CHD7: variants seen among roughly 807,000 people sequenced by gnomAD.
The protein encoded by CHD7 is chromodomain helicase DNA binding protein 7.
Under a neutral mutation model 307.3 loss-of-function variants are expected in CHD7, and 24 were observed. That is an observed-to-expected ratio of 0.08 (90% CI 0.06 to 0.11). The LOEUF (loss-of-function observed/expected upper bound fraction) is 0.11, where lower values mean the gene tolerates loss of function less well. Among genes scored for constraint, CHD7 ranks in the 10% least tolerant of loss-of-function variants. CHD7 has a pLI of 1.00. For synonymous variants in CHD7, 1,363 were observed against 1,349.9 expected (o/e 1.01, Z -0.21); for missense variants, 3,106 against 3,727.1 (o/e 0.83, Z 4.34).
chr8:60,848,418 G>A, intron 23 of CHD7, 97 bp from the exon 24 acceptor site: 2 of 777,986 alleles, frequency 2.6e-6, no homozygotes, highest in East Asian at 2.7e-5. Flanking sequence ...ATCAGCCTTG[G>A]CAGGATGATG....
intron 1 of CHD7, among the ~76,000 whole-genome samples, chr8:60,729,138 G>A (rs921437318): frequency 6.6e-6 from 1 of 152,220 alleles, no homozygotes; most frequent in African/African-American, 2.4e-5. Flanking sequence ...GTACAAAGTG[G>A]TATTTAAGAA....
intron 2 of CHD7, among the ~76,000 whole-genome samples, chr8:60,775,132 G>A (rs1309132622): frequency 2.0e-5 from 3 of 151,878 alleles, no homozygotes; most frequent in Non-Finnish European, 4.4e-5. Context: ...TAAAACACAA[G>A]CAGAAAGGCA....
At chr8:60,791,736 C>T (rs1443000907) in intron 3 of CHD7, among the ~76,000 whole-genome samples, 4 of 152,066 alleles carry the variant, frequency 2.6e-5, no homozygotes, top group Middle Eastern at 3.2e-3. Flanking sequence ...ATAGCCTGGG[C>T]GGGAAATGAT....
In CHD7 at chr8:60,865,925, G is replaced by A; in HGVS notation, c.8986G>A (p.Asp2996Asn). 6.3e-7 allele frequency: 1 copy of A among 1,598,972 alleles called. No homozygotes were observed. Among genetic ancestry groups the A allele is most frequent in the Non-Finnish European group, 8.5e-7 (1 of 1,172,550 alleles). Residue 2996 changes from aspartate to asparagine, a missense_variant, in exon 38 of 38, where the codon GAT becomes AAT. Asp to Asn is a conservative substitution (Grantham distance 23, BLOSUM62 1). Transcript: ENST00000423902. This position sits in a 1 kb window ranked among gnomAD's most constrained non-coding sequence, Gnocchi z 4.3. ...GGDEIENNENDE is the reference protein window; with the variant it reads ...GGDEIENNENNE ...GGATGAAATAGAAAACAATGAAAAT[G>A]ATGAATAACCAGTACCAGTTCCAGT...
intron 1 of CHD7, among the ~76,000 whole-genome samples, chr8:60,716,225 G>A: frequency 6.6e-6 from 1 of 152,116 alleles, no homozygotes. Flanking sequence ...TGCTCTCCCT[G>A]CTGTTGCCTG....
chr8:60,821,722 A>G, intron 9 of CHD7, 68 bp from the exon 10 acceptor site: 2 of 1,310,990 alleles, frequency 1.5e-6, no homozygotes, highest in Non-Finnish European at 1.0e-6. Context: ...ATATATATAC[A>G]CATATATATG....
At chr8:60,691,145 C>T (rs1026360867) in intron 1 of CHD7, among the ~76,000 whole-genome samples, 2 of 152,126 alleles carry the variant, frequency 1.3e-5, no homozygotes, top group Non-Finnish European at 2.9e-5. Flanking sequence ...AGGCTGGTCT[C>T]GAACTCCTCA....
chr8:60,864,883 A>G (rs1000624684), intron 37 of CHD7, 133 bp from the exon 38 acceptor site: 4 of 867,318 alleles, frequency 4.6e-6, no homozygotes, highest in Middle Eastern at 2.4e-4. Flanking sequence ...AAGTTTTATC[A>G]TTGAGCTGTT....
At chr8:60,793,181 AGGGGAGACTTCTGTCCATGTGTAG>A (rs1811853107) in intron 3 of CHD7, among the ~76,000 whole-genome samples, 1 of 152,130 alleles carries the variant, frequency 6.6e-6, no homozygotes, top group East Asian at 1.9e-4. Context: ...ACCTCATAGT[AGGGGAGACTTCTGTCCATGTGTAG>A]CGTAAACACT....
intron 34 of CHD7, 51 bp from the exon 35 acceptor site, chr8:60,860,853 C>T (rs1321671727): frequency 6.6e-6 from 9 of 1,363,182 alleles, no homozygotes; most frequent in Non-Finnish European, 5.1e-6. Flanking sequence ...AGGACATTGT[C>T]AGAGGCTCTC....
chr8:60,711,090 T>C (rs1807263102), intron 1 of CHD7, among the ~76,000 whole-genome samples: 1 of 152,226 alleles, frequency 6.6e-6, no homozygotes, highest in African/African-American at 2.4e-5. Context: ...TAACCTGTGT[T>C]CCCTACATTT....
At chr8:60,697,339 A>G (rs900751402) in intron 1 of CHD7, among the ~76,000 whole-genome samples, 2 of 152,210 alleles carry the variant, frequency 1.3e-5, no homozygotes, top group South Asian at 2.1e-4. Flanking sequence ...CAGGAGGGCA[A>G]TAGCTTTGCA....
Position 60,693,961 on chromosome 8 carries a change from T to A in CHD7, c.-175+14879T>A, listed in dbSNP as rs147495661. ...TCAGAGCAGTCACCTGCCTTGCCAG[T>A]GGGCCCTCAGGTGGGTTTCAGAAAG... On this transcript the variant is annotated intron_variant, in intron 1 of 37. Transcript: ENST00000423902. 2.3e-3 allele frequency among the ~76,000 whole-genome samples: 354 copies of A among 152,338 alleles called. 4 individuals carry two copies. Among genetic ancestry groups the A allele is most frequent in the African/African-American group, 8.1e-3 (338 of 41,586 alleles).
intron 6 of CHD7, among the ~76,000 whole-genome samples, chr8:60,808,006 C>A (rs777635508): frequency 6.6e-6 from 1 of 152,212 alleles, no homozygotes; most frequent in Non-Finnish European, 1.5e-5. Context: ...TAGAAGCTCT[C>A]GCACGTTGAG....
intron 24 of CHD7, 61 bp from the exon 25 acceptor site, chr8:60,848,990 C>T: frequency 7.8e-7 from 1 of 1,289,184 alleles, no homozygotes. Context: ...AGCTATGTAT[C>T]ACATTCATTA....
chr8:60,682,760 T>C (rs938310880), intron 1 of CHD7, among the ~76,000 whole-genome samples: 1 of 152,212 alleles, frequency 6.6e-6, no homozygotes, highest in South Asian at 2.1e-4. Flanking sequence ...CATCTTTCAT[T>C]AACTAAATAC....
intron 24 of CHD7, 86 bp downstream of exon 24, chr8:60,848,690 C>T (rs1400920583): frequency 2.9e-6 from 3 of 1,030,776 alleles, no homozygotes; most frequent in African/African-American, 1.6e-5. Flanking sequence ...TCAGAACCTT[C>T]ATAAACCACT....
chr8:60,760,657 A>G (rs1488966787), intron 2 of CHD7, among the ~76,000 whole-genome samples: 2 of 151,438 alleles, frequency 1.3e-5, no homozygotes, highest in Non-Finnish European at 3.0e-5. Context: ...GAAAAAAACA[A>G]ACAACCCCAT....
chr8:60,774,622 G>C (rs1252798605), intron 2 of CHD7, among the ~76,000 whole-genome samples: 6 of 152,202 alleles, frequency 3.9e-5, no homozygotes, highest in Admixed American at 6.5e-5. Flanking sequence ...TGGACAACTG[G>C]TCAGAGTCAT....
Sources: allele counts gnomAD v4.1 joint callset (sites outside exome capture counted in the v4.1 genomes callset), GRCh38; gene constraint gnomAD v4.1.1; non-coding constraint Gnocchi (gnomAD v3.1); transcripts MANE v1.5; gene names NCBI Gene and HGNC (gene_info 2026-07-23, HGNC 2026-07-21).